The following TRIM37 variants were observed in gnomAD, a reference collection of about 807,000 sequenced individuals.
TRIM37 encodes E3 ubiquitin-protein ligase TRIM37.
Under a neutral mutation model 129.8 loss-of-function variants are expected in TRIM37, and 80 were observed. The ratio of observed to expected loss-of-function variants is 0.62; its 90% confidence interval spans 0.51 to 0.74. The LOEUF (loss-of-function observed/expected upper bound fraction) is 0.74. Among genes scored for constraint, TRIM37 ranks in the 30% least tolerant of loss-of-function variants. TRIM37 has a pLI of 0.00. For synonymous variants in TRIM37, 389 were observed against 387.1 expected (o/e 1.00, Z -0.06); for missense variants, 1,054 against 1,176.5 (o/e 0.90, Z 1.52).
intron 24 of TRIM37, among the ~76,000 whole-genome samples, chr17:58,991,132 A>G (rs1053727179): frequency 4.7e-5 from 7 of 148,270 alleles, no homozygotes; most frequent in African/African-American, 1.7e-4. Flanking sequence ...CTGAGATCGC[A>G]GTATTGCACT....
intron 17 of TRIM37, among the ~76,000 whole-genome samples, chr17:59,040,938 C>T (rs892948275): frequency 6.6e-6 from 1 of 151,206 alleles, no homozygotes; most frequent in African/African-American, 2.4e-5. Context: ...CCCAGCTACT[C>T]GGGAGGCTGA....
chr17:59,042,431 TAAA>T (rs71145517), intron 16 of TRIM37, among the ~76,000 whole-genome samples: 71 of 76,660 alleles, frequency 9.3e-4, no homozygotes, highest in African/African-American at 4.3e-3. Context: ...AAAAGGAATT[TAAA>T]AAAAAAAAAA....
chr17:59,036,447 G>GGGTGTGTGT (rs1555656622), intron 17 of TRIM37, among the ~76,000 whole-genome samples: 1 of 140,582 alleles, frequency 7.1e-6, no homozygotes, highest in Non-Finnish European at 1.5e-5. Flanking sequence ...ATTTGCTGGG[G>GGGTGTGTGT]GTGTGTGTGT....
chr17:59,040,595 A>C (rs1379332239), intron 17 of TRIM37, among the ~76,000 whole-genome samples: 1 of 152,328 alleles, frequency 6.6e-6, no homozygotes, highest in South Asian at 2.1e-4. Flanking sequence ...CTAAAGAAAG[A>C]ACTTGAAAAG....
At chr17:59,016,441 C>T (rs544346126) in intron 20 of TRIM37, among the ~76,000 whole-genome samples, 1 of 150,060 alleles carries the variant, frequency 6.7e-6, no homozygotes, top group Non-Finnish European at 1.5e-5. Context: ...TGAAACATAT[C>T]CCTTGTTTTT....
chr17:58,997,966 T>C (rs567742828), downstream of TRIM37, among the ~76,000 whole-genome samples: 1 of 152,322 alleles, frequency 6.6e-6, no homozygotes, highest in Admixed American at 6.5e-5. Flanking sequence ...GGAAACTACT[T>C]TCCTGTCCTA....
Position 59,088,077 on chromosome 17 carries a change from T to G in TRIM37, c.281+214A>C, listed in dbSNP as rs566978315. ...TGTGGGGGGAGGGGAGGGCGAGAGG[T>G]ATCTGTGTATACATGGCATGAAATA... On this transcript the variant is annotated intron_variant, in intron 4 of 23. Transcript: ENST00000262294. 1.0e-5 allele frequency: 6 copies of G among 600,698 alleles called. No individual in the cohort carries two copies. The South Asian group carries it at 1.2e-4, about 12-fold the overall frequency. 37.2% of individuals were successfully genotyped at this position (600,698 alleles called of 1,614,324 possible). A position where few individuals can be genotyped will look rare whatever the true frequency, so the allele number is the denominator to read the frequency against.
At chr17:58,978,556 T>C (rs1318158255), downstream of TRIM37, among the ~76,000 whole-genome samples, 2 of 151,804 alleles carry the variant, frequency 1.3e-5, no homozygotes, top group Non-Finnish European at 2.9e-5. Context: ...AATAAAAATA[T>C]AAAAATTAGC....
chr17:59,106,623 T>C lies in TRIM37; in HGVS notation c.-162A>G, dbSNP rs1599637852. 3 of 804,464 alleles carry C rather than the reference T, an allele frequency of 3.7e-6. No homozygotes were observed. The highest frequency in any genetic ancestry group is 6.1e-6 in the Non-Finnish European group (3 of 492,140). The allele number at this position is 804,464 out of a possible 1,614,324, so 49.8% of individuals were successfully genotyped here. A position where few individuals can be genotyped will look rare whatever the true frequency, so the allele number is the denominator to read the frequency against. On this transcript the variant is annotated 5_prime_UTR_variant, in exon 1 of 24. Coordinates refer to ENST00000262294, the MANE Select transcript of TRIM37 (RefSeq NM_015294.6). ...CACCTGCGCGCCCCATCTCTTCAGG[T>C]CCAGCGCCGCCTACCCCCATTTCGC...
At chr17:58,971,656 A>G in the TRIM37 span, among the ~76,000 whole-genome samples, 1 of 152,194 alleles carries the variant, frequency 6.6e-6, no homozygotes, top group Admixed American at 6.5e-5. Context: ...GTTGTGTACC[A>G]ATCAGATGTT....
intron 2 of TRIM37, among the ~76,000 whole-genome samples, chr17:59,101,281 A>G (rs193155575): frequency 7.9e-5 from 12 of 152,252 alleles, no homozygotes; most frequent in Admixed American, 1.3e-4. Context: ...TACATAATAC[A>G]TTTCTGAGGC....
At chr17:58,972,643 G>A in the TRIM37 span, among the ~76,000 whole-genome samples, 2 of 152,172 alleles carry the variant, frequency 1.3e-5, no homozygotes, top group African/African-American at 4.8e-5. Flanking sequence ...GAGCCACCGC[G>A]CCCGGCCAGG....
intron 2 of TRIM37, among the ~76,000 whole-genome samples, chr17:59,092,389 ACT>A (rs770442155): frequency 2.0e-5 from 3 of 149,208 alleles, no homozygotes; most frequent in South Asian, 2.1e-4. Context: ...ACAGAGCAAG[ACT>A]CTGTCTCAAA....
chr17:59,080,232 C>T (rs2043145401), intron 6 of TRIM37, among the ~76,000 whole-genome samples: 1 of 152,144 alleles, frequency 6.6e-6, no homozygotes, highest in African/African-American at 2.4e-5. Flanking sequence ...AAAATGTATT[C>T]TAAAAACATG....
intron 13 of TRIM37, among the ~76,000 whole-genome samples, chr17:59,052,823 C>T (rs1198781580): frequency 6.6e-6 from 1 of 151,980 alleles, no homozygotes; most frequent in East Asian, 1.9e-4. Flanking sequence ...GGTATGGTGG[C>T]GGGCGCCTGT....
intron 2 of TRIM37, among the ~76,000 whole-genome samples, chr17:59,103,247 G>C (rs1019208137): frequency 6.6e-6 from 1 of 152,200 alleles, no homozygotes; most frequent in East Asian, 1.9e-4. Flanking sequence ...AATTGAAGGG[G>C]AATGTGAACA....
At chr17:59,008,390 T>C (rs1049397822) in intron 22 of TRIM37, among the ~76,000 whole-genome samples, 3 of 152,204 alleles carry the variant, frequency 2.0e-5, no homozygotes, top group Admixed American at 6.5e-5. Context: ...CCTACATGAA[T>C]AACTCCATTC....
At chr17:59,019,202 C>T (rs962994689) in intron 19 of TRIM37, among the ~76,000 whole-genome samples, 2 of 152,142 alleles carry the variant, frequency 1.3e-5, no homozygotes, top group Non-Finnish European at 2.9e-5. Flanking sequence ...TGTACATGAA[C>T]GTTCATAGCA....
chr17:59,033,229 T>C (rs1324265660), intron 17 of TRIM37, among the ~76,000 whole-genome samples: 1 of 152,160 alleles, frequency 6.6e-6, no homozygotes, highest in Non-Finnish European at 1.5e-5. Context: ...TCCAGCAGGA[T>C]ATAACTTAGG....
Sources: allele counts gnomAD v4.1 joint callset (sites outside exome capture counted in the v4.1 genomes callset), GRCh38; gene constraint gnomAD v4.1.1; transcripts MANE v1.5; gene names NCBI Gene and HGNC (gene_info 2026-07-23, HGNC 2026-07-21).